Variants in FAM117B observed in about 807,000 individuals in gnomAD.
The protein encoded by FAM117B is family with sequence similarity 117 member B.
Under a neutral mutation model 52.8 loss-of-function variants are expected in FAM117B, and 22 were observed. The observed-to-expected ratio is 0.42, with a 90% confidence interval of 0.30 to 0.59. FAM117B has a LOEUF of 0.59. Ranked by LOEUF, FAM117B falls within the 20% of genes least tolerant of loss-of-function variation. FAM117B has a pLI of 0.22. For synonymous variants in FAM117B, 309 were observed against 324.1 expected (o/e 0.95, Z 0.50); for missense variants, 678 against 802.6 (o/e 0.84, Z 1.88).
At chr2:202,719,132 T>G (rs1004703054) in intron 2 of FAM117B, among the ~76,000 whole-genome samples, 1 of 152,220 alleles carries the variant, frequency 6.6e-6, no homozygotes, top group Non-Finnish European at 1.5e-5. Context: ...AAGCACAGCT[T>G]CTTAGTTGAA....
chr2:202,703,567 G>A (rs1052196945), intron 2 of FAM117B, among the ~76,000 whole-genome samples: 19 of 152,300 alleles, frequency 1.2e-4, no homozygotes, highest in African/African-American at 4.6e-4. Context: ...TGTTGCCCGG[G>A]CTGGTCTAGA....
At chr2:202,696,140 T>A in intron 2 of FAM117B, 108 bp downstream of exon 2, 1 of 1,214,160 alleles carries the variant, frequency 8.2e-7, no homozygotes, top group Non-Finnish European at 1.1e-6. Flanking sequence ...ATATTAGAAT[T>A]AACTTGAGAA....
At chr2:202,670,435 G>T (rs890412855) in intron 1 of FAM117B, among the ~76,000 whole-genome samples, 1 of 151,808 alleles carries the variant, frequency 6.6e-6, no homozygotes. Flanking sequence ...GATTACAGGC[G>T]CCTGCCACCA....
intron 1 of FAM117B, among the ~76,000 whole-genome samples, chr2:202,688,468 C>G (rs1690576835): frequency 6.6e-6 from 1 of 151,920 alleles, no homozygotes; most frequent in Non-Finnish European, 1.5e-5. Context: ...ATAAAATCAA[C>G]TACAGTTATT....
intron 1 of FAM117B, among the ~76,000 whole-genome samples, chr2:202,655,757 AGAGAGTGTGT>A (rs1408623931): frequency 7.9e-6 from 1 of 126,088 alleles, no homozygotes. Flanking sequence ...AGAGAGAGAG[AGAGAGTGTGT>A]GTGTGTGTGT....
At chr2:202,749,247 C>T (rs1278910125) in intron 4 of FAM117B, among the ~76,000 whole-genome samples, 1 of 152,066 alleles carries the variant, frequency 6.6e-6, no homozygotes, top group African/African-American at 2.4e-5. Context: ...GAAGTATTTA[C>T]ATATGTGTGC....
rs1689667079 is a variant in FAM117B at position 202,635,497 on chromosome 2, C to G, written c.310C>G (p.Arg104Gly). Reference protein sequence around the residue: ...PTRGGGNAAARTSPTVATQTG... With the variant: ...PTRGGGNAAAGTSPTVATQTG... Reference sequence around the variant, plus strand: ...GCGCGGCGGCGGGAACGCGGCCGCGCGCACCAGCCCCACGGTGGCCACGCA... The same window carrying G: ...GCGCGGCGGCGGGAACGCGGCCGCGGGCACCAGCCCCACGGTGGCCACGCA... The change falls in exon 1 of 8, where the codon CGC becomes GGC. Residue 104 changes from arginine (R) to glycine (G), a missense_variant. This residue lies in a region of FAM117B where 583 missense variants were observed against 644.8 expected (regional missense o/e 0.90). Transcript: ENST00000392238. 1 of 1,047,788 alleles carries G rather than the reference C, an allele frequency of 9.5e-7. No homozygotes were observed. Among genetic ancestry groups the G allele is most frequent in the South Asian group, 4.4e-5 (1 of 22,758 alleles). The allele number at this position is 1,047,788 out of a possible 1,614,324, so 64.9% of individuals were successfully genotyped here.
rs1690704808 is a variant in FAM117B at position 202,695,983 on chromosome 2, G to A, written c.704G>A (p.Arg235Gln). ...CCGTATCTTGCTGGACACTGGCCTC[G>A]GGATAGCCATGGGCAAGCTGCACCT... Reference protein sequence around the residue: ...AAPYLAGHWPRDSHGQAAPCM... With the variant: ...AAPYLAGHWPQDSHGQAAPCM... The change falls in exon 2 of 8, where the codon CGG becomes CAG. Residue 235 changes from arginine to glutamine, a missense_variant. Physicochemically the swap from Arg to Gln is conservative, Grantham distance 43. Transcript: ENST00000392238. The A allele has an allele frequency of 3.7e-6, 6 of 1,613,976 alleles. No homozygotes were observed. The highest frequency in any genetic ancestry group is 2.7e-5 in the African/African-American group (2 of 74,906).
chr2:202,653,356 CTTTTGTTTTGTTTTG>C (rs752933244), intron 1 of FAM117B, among the ~76,000 whole-genome samples: 34 of 152,224 alleles, frequency 2.2e-4, no homozygotes, highest in African/African-American at 7.9e-4. Context: ...AAGTATTTAA[CTTTTGTTTTGTTTTG>C]TTTTGTTTTG....
At chr2:202,740,312 A>G (rs1691512782) in intron 4 of FAM117B, among the ~76,000 whole-genome samples, 1 of 147,696 alleles carries the variant, frequency 6.8e-6, no homozygotes, top group Middle Eastern at 3.5e-3. Flanking sequence ...GTGAACCAAG[A>G]TCACACTACA....
intron 6 of FAM117B, 45 bp from the exon 7 acceptor site, chr2:202,759,188 A>G (rs1411353162): frequency 6.2e-6 from 10 of 1,606,346 alleles, no homozygotes; most frequent in East Asian, 2.2e-5. Flanking sequence ...TAAATATAGT[A>G]TGACTATACA....
intron 4 of FAM117B, among the ~76,000 whole-genome samples, chr2:202,747,376 G>C (rs1422028241): frequency 6.6e-6 from 1 of 152,022 alleles, no homozygotes; most frequent in Non-Finnish European, 1.5e-5. Flanking sequence ...CACGACAAGG[G>C]TGCCCATTTT....
At position 202,765,455 on chromosome 2, in the gene FAM117B, G is replaced by A. The variant is rs139951033; in HGVS notation, c.1461G>A (p.Gln487=). Residue 487 remains glutamine (Q), a synonymous_variant, in exon 8 of 8, where the codon CAG becomes CAA. Transcript: ENST00000392238. The part of the protein sequence containing the change: ...VKVFEECSPK[Q]LHEIPAFYCP... ...TCTGTTCTATGTCTAGGCCAAAACA[G>A]CTTCATGAAATCCCAGCCTTTTATT... 5 of 1,613,046 alleles carry A rather than the reference G, an allele frequency of 3.1e-6. No homozygotes were observed. The African/African-American group carries it at 5.4e-5, about 17-fold the overall frequency.
At chr2:202,661,473 C>T (rs1160775511) in intron 1 of FAM117B, among the ~76,000 whole-genome samples, 1 of 152,012 alleles carries the variant, frequency 6.6e-6, no homozygotes, top group Non-Finnish European at 1.5e-5. Context: ...CTTAAACTGC[C>T]TTTATAAAGT....
At position 202,701,249 on chromosome 2, in the gene FAM117B, C is replaced by T. The variant is rs552570527; in HGVS notation, c.753+5217C>T. On this transcript the variant is annotated intron_variant, in intron 2 of 7. Transcript: ENST00000392238. ...GAACGACAAAGCCTGGATGCCAGCA[C>T]GTCTTTTTATAGCATGATTTACTGA... Among the ~76,000 whole-genome samples the T allele has an allele frequency of 3.2e-4, 48 of 152,294 alleles. No individual in the cohort carries two copies. In the South Asian group the frequency reaches 6.4e-3, roughly 20 times the overall value.
intron 1 of FAM117B, among the ~76,000 whole-genome samples, chr2:202,639,801 G>A (rs1244600312): frequency 6.6e-6 from 1 of 152,140 alleles, no homozygotes; most frequent in Non-Finnish European, 1.5e-5. Context: ...TATCATATTA[G>A]TTTTGCTTCT....
chr2:202,687,780 A>G (rs1258934359), intron 1 of FAM117B, among the ~76,000 whole-genome samples: 1 of 152,182 alleles, frequency 6.6e-6, no homozygotes, highest in Non-Finnish European at 1.5e-5. Context: ...TGGATTTTTA[A>G]GTTTCTACAA....
At chr2:202,698,807 G>C (rs565913506) in intron 2 of FAM117B, among the ~76,000 whole-genome samples, 24 of 152,326 alleles carry the variant, frequency 1.6e-4, no homozygotes, top group Admixed American at 6.5e-4. Flanking sequence ...AGGGCATGTA[G>C]TTTGGAAAAT....
chr2:202,715,222 C>A (rs1271475113), intron 2 of FAM117B, among the ~76,000 whole-genome samples: 1 of 151,034 alleles, frequency 6.6e-6, no homozygotes, highest in African/African-American at 2.4e-5. Flanking sequence ...CCCCACACCT[C>A]CCTCCCGGAC....
Sources: gnomAD v4.1 joint callset for allele counts (sites outside exome capture counted in the v4.1 genomes callset) on GRCh38, gnomAD v4.1.1 for gene constraint, gnomAD v4.1.1 regional missense constraint, MANE v1.5 for transcripts, NCBI Gene and HGNC (gene_info 2026-07-23, HGNC 2026-07-21) for gene names.